The following ANKRD36 variants were observed in gnomAD, a reference collection of about 807,000 sequenced individuals.
ANKRD36 encodes the protein ankyrin repeat domain-containing protein 36A.
Under a neutral mutation model 278.1 loss-of-function variants are expected in ANKRD36, and 179 were observed. The ratio of observed to expected loss-of-function variants is 0.64; its 90% CI spans 0.57 to 0.73. The LOEUF is 0.73. ANKRD36 is among the 30% of genes least tolerant of loss of function. ANKRD36 has a pLI of 0.00. For synonymous variants in ANKRD36, 320 were observed against 641.1 expected (o/e 0.50, Z 7.57); for missense variants, 1,159 against 1,956.7 (o/e 0.59, Z 7.69).
At chr2:97,178,462 A>G (rs556425903) in intron 22 of ANKRD36, among the ~76,000 whole-genome samples, 1 of 151,972 alleles carries the variant, frequency 6.6e-6, no homozygotes, top group South Asian at 2.1e-4. Flanking sequence ...GATTAAGAAA[A>G]TGTGGCACAT....
intron 50 of ANKRD36, 137 bp from the exon 51 acceptor site, chr2:97,205,803 C>T (rs1007347616): frequency 2.7e-5 from 34 of 1,259,968 alleles, no homozygotes; most frequent in Non-Finnish European, 3.8e-5. Context: ...TTCTAGTCCC[C>T]AGACACAAAG....
chr2:97,182,192 C>T (rs62153956), intron 26 of ANKRD36, among the ~76,000 whole-genome samples: 18,234 of 150,660 alleles, frequency 0.12, 1,712 homozygotes, highest in Non-Finnish European at 0.18. Flanking sequence ...CACTGTAGAA[C>T]GAGAGCTAAG....
intron 40 of ANKRD36, among the ~76,000 whole-genome samples, chr2:97,196,146 A>G (rs1411111218): frequency 6.6e-6 from 1 of 151,974 alleles, no homozygotes; most frequent in African/African-American, 2.4e-5. Context: ...GTGCCTTCTC[A>G]GTTATTGGGC....
At chr2:97,262,541 A>G (rs1330367546) in intron 75 of ANKRD36, among the ~76,000 whole-genome samples, 1 of 128,010 alleles carries the variant, frequency 7.8e-6, no homozygotes, top group Non-Finnish European at 1.5e-5. Context: ...AAGATACACT[A>G]TAATCAAATT....
At chr2:97,170,291 C>G (rs1341578078) in intron 22 of ANKRD36, among the ~76,000 whole-genome samples, 1 of 151,282 alleles carries the variant, frequency 6.6e-6, no homozygotes, top group African/African-American at 2.4e-5. Context: ...ATCACACTAC[C>G]TGACTTCAAA....
In ANKRD36 at chr2:97,245,318, TC is replaced by T. The variant is rs1361542667; in HGVS notation, c.4654del (p.Gln1552LysfsTer4). On this transcript the variant is annotated frameshift_variant, in exon 71 of 76. Coordinates refer to ENST00000420699, the MANE Select transcript of ANKRD36 (RefSeq NM_001354587.1). LOFTEE classifies it high-confidence loss of function. ...TTGTGAAAAGAAAGCATGAAGACCT[TC>T]AAAAGGCTCTAAAACGGAATGGGGA... is the stretch of plus-strand genomic sequence containing the variant. Reference protein sequence around the residue: ...EIVKRKHEDLQKALKRNGETL... With the variant: ...EIVKRKHEDLXKALKRNGETL... The T allele has an allele frequency of 6.6e-7, 1 of 1,518,426 alleles. No homozygotes were observed. The highest frequency in any genetic ancestry group is 2.1e-5 in the Admixed American group (1 of 47,418). 94.1% of individuals were successfully genotyped at this position (1,518,426 alleles called of 1,614,324 possible).
At chr2:97,126,548 T>C (rs1171621285) in intron 5 of ANKRD36, among the ~76,000 whole-genome samples, 1 of 151,914 alleles carries the variant, frequency 6.6e-6, no homozygotes, top group Non-Finnish European at 1.5e-5. Flanking sequence ...AACTGAAGCA[T>C]TTGAATATTA....
chr2:97,200,945 A>C (rs1197818217), intron 46 of ANKRD36, among the ~76,000 whole-genome samples: 1 of 151,844 alleles, frequency 6.6e-6, no homozygotes, highest in Admixed American at 6.6e-5. Flanking sequence ...AACTGAGAAG[A>C]CCCCTGATGT....
At chr2:97,229,158 T>G (rs1251303134) in intron 67 of ANKRD36, among the ~76,000 whole-genome samples, 2 of 151,596 alleles carry the variant, frequency 1.3e-5, no homozygotes, top group South Asian at 4.3e-4. Context: ...TAGGTCCACT[T>G]GGTGCAGAGC....
At chr2:97,165,274 A>T (rs2050322806) in intron 20 of ANKRD36, among the ~76,000 whole-genome samples, 1 of 152,058 alleles carries the variant, frequency 6.6e-6, no homozygotes, top group Non-Finnish European at 1.5e-5. Flanking sequence ...AATATATTTC[A>T]GATCTGTCCA....
At chr2:97,226,331 A>G (rs1267627042) in intron 67 of ANKRD36, among the ~76,000 whole-genome samples, 1 of 151,958 alleles carries the variant, frequency 6.6e-6, no homozygotes, top group Non-Finnish European at 1.5e-5. Flanking sequence ...CTGGTGTGAG[A>G]TGGTATCTCA....
chr2:97,226,822 C>A (rs1281323636), intron 67 of ANKRD36, among the ~76,000 whole-genome samples: 2 of 151,328 alleles, frequency 1.3e-5, no homozygotes, highest in African/African-American at 2.4e-5. Context: ...AGGAAGGGAT[C>A]CAGTTGCAGC....
intron 56 of ANKRD36, among the ~76,000 whole-genome samples, chr2:97,211,065 C>G (rs2064396326): frequency 6.6e-6 from 1 of 151,862 alleles, no homozygotes; most frequent in Non-Finnish European, 1.5e-5. Context: ...AGTGTACGTT[C>G]CACTGAAATG....
At chr2:97,193,641 T>C (rs2153572160) in intron 38 of ANKRD36, among the ~76,000 whole-genome samples, 1 of 151,706 alleles carries the variant, frequency 6.6e-6, no homozygotes, top group African/African-American at 2.4e-5. Flanking sequence ...TTTTGGCTAC[T>C]CCAGGAACTA....
chr2:97,181,121 GAACATTT>G (rs1158418894), intron 24 of ANKRD36, among the ~76,000 whole-genome samples: 3 of 151,656 alleles, frequency 2.0e-5, no homozygotes, highest in Admixed American at 6.6e-5. Context: ...GATGTGAAGA[GAACATTT>G]AACTGAATTG....
chr2:97,211,871 G>GTAA (rs1258867438), intron 58 of ANKRD36, 130 bp downstream of exon 58: 1 of 1,233,074 alleles, frequency 8.1e-7, no homozygotes, highest in Non-Finnish European at 1.1e-6. Context: ...TTATTCATTT[G>GTAA]TAATAAGTTC....
At position 97,146,481 on chromosome 2, in the gene ANKRD36, A is replaced by G. The variant is rs1184601692; in HGVS notation, c.1004-5A>G. 4 of 1,516,716 alleles carry G rather than the reference A, an allele frequency of 2.6e-6. No homozygotes were observed. Among genetic ancestry groups the G allele is most frequent in the African/African-American group, 1.4e-5 (1 of 72,224 alleles). 94.0% of individuals were successfully genotyped at this position (1,516,716 alleles called of 1,614,324 possible). A position where few individuals can be genotyped will look rare whatever the true frequency, so the allele number is the denominator to read the frequency against. On this transcript the variant is annotated splice_region_variant and splice_polypyrimidine_tract_variant and intron_variant, in intron 10 of 75. Coordinates refer to ENST00000420699, the MANE Select transcript of ANKRD36 (RefSeq NM_001354587.1). ...TTAAAATGCATTTTACTTTTTGTTT[A>G]ATAGTGCTTCCTGCTGTTGAACAGT...
At chr2:97,172,264 C>G (rs570688270) in intron 22 of ANKRD36, among the ~76,000 whole-genome samples, 1 of 151,908 alleles carries the variant, frequency 6.6e-6, no homozygotes, top group Non-Finnish European at 1.5e-5. Flanking sequence ...ATGAATGCAA[C>G]TTGGTCTTTG....
At chr2:97,124,693 T>C (rs4491760) in intron 5 of ANKRD36, 96 bp downstream of exon 5, 5 of 1,397,194 alleles carry the variant, frequency 3.6e-6, no homozygotes, top group South Asian at 3.0e-5. Context: ...TTTCATAGTT[T>C]GGTTCAAGTA....
Sources: allele counts gnomAD v4.1 joint callset (sites outside exome capture counted in the v4.1 genomes callset), GRCh38; gene constraint gnomAD v4.1.1; transcripts MANE v1.5; gene names NCBI Gene and HGNC (gene_info 2026-07-23, HGNC 2026-07-21).